Variants in CCDC191 observed in about 807,000 individuals in gnomAD.
The protein encoded by CCDC191 is coiled-coil domain containing 191, also known as coiled-coil domain-containing protein 191.
A neutral mutation model predicts 114.0 loss-of-function variants in CCDC191; 99 were observed. That is an observed-to-expected ratio of 0.87 (90% CI 0.74 to 1.03). The LOEUF is 1.03. CCDC191 is among the 50% of genes least tolerant of loss of function. CCDC191 has a pLI of 0.00. For missense variants in CCDC191, 973 were observed against 1,087.0 expected, an observed-to-expected ratio of 0.90 and a Z score of 1.47; for synonymous variants, 351 against 376.0, an observed-to-expected ratio of 0.93 and a Z score of 0.77.
chr3:114,047,845 T>C (rs1210479667), intron 2 of CCDC191, among the ~76,000 whole-genome samples: 2 of 151,960 alleles, frequency 1.3e-5, no homozygotes, highest in Non-Finnish European at 2.9e-5. Context: ...TGTGGTGGCA[T>C]GAGCCTGTAA....
intron 7 of CCDC191, among the ~76,000 whole-genome samples, chr3:114,026,135 T>C (rs1577441145): frequency 6.6e-6 from 1 of 152,162 alleles, no homozygotes; most frequent in South Asian, 2.1e-4. Context: ...CATTTAAAAA[T>C]AGGGACCTCT....
rs2076201661 is a variant in CCDC191 at position 114,018,744 on chromosome 3, T to C, written c.1097A>G (p.Tyr366Cys). ...CCGCTCCAACTTCTGGAATCTTGTG[T>C]AGTCTCTCCAGGCCCGCAGGACCTT... ...QLKVLRAWRD[Y>C]TRFQKLERET... Residue 366 changes from tyrosine (Y) to cysteine (C), a missense_variant, in exon 8 of 17, where the codon TAC becomes TGC. Coordinates refer to ENST00000295878, the MANE Select transcript of CCDC191 (RefSeq NM_020817.2). The C allele has an allele frequency of 2.5e-6, 4 of 1,613,762 alleles. No homozygotes were observed. The highest frequency in any genetic ancestry group is 3.4e-6 in the Non-Finnish European group (4 of 1,179,800).
At chr3:114,042,635 A>G in intron 4 of CCDC191, 68 bp downstream of exon 4, 1 of 1,284,522 alleles carries the variant, frequency 7.8e-7, no homozygotes, top group Non-Finnish European at 1.0e-6. Context: ...GTTATTCAAA[A>G]CAATTAAAAG....
intron 13 of CCDC191, among the ~76,000 whole-genome samples, chr3:113,986,521 TATATC>T (rs1170349734): frequency 2.0e-5 from 3 of 152,120 alleles, no homozygotes; most frequent in Non-Finnish European, 2.9e-5. Flanking sequence ...CATACCTAGA[TATATC>T]ATATTCGAAC....
chr3:113,991,271 A>C (rs2075557629), intron 13 of CCDC191, among the ~76,000 whole-genome samples: 3 of 137,880 alleles, frequency 2.2e-5, no homozygotes, highest in Admixed American at 1.4e-4. Flanking sequence ...CCCCCCCCCA[A>C]AAACCAATTT....
intron 13 of CCDC191, among the ~76,000 whole-genome samples, chr3:113,987,013 C>A (rs114735247): frequency 0.017 from 2,651 of 151,946 alleles, 56 homozygotes; most frequent in African/African-American, 0.059. Flanking sequence ...TTTGTTATGG[C>A]AGCCTGAACA....
intron 2 of CCDC191, 173 bp from the exon 3 acceptor site, chr3:114,046,905 G>C: frequency 1.0e-6 from 1 of 979,056 alleles, no homozygotes; most frequent in Non-Finnish European, 1.2e-6. Context: ...ATTCTGGGAG[G>C]TTTCATATAT....
chr3:114,003,822 A>G, intron 11 of CCDC191: 1 of 985,432 alleles, frequency 1.0e-6, no homozygotes, highest in South Asian at 4.7e-5. Flanking sequence ...CACAGGTAAA[A>G]AATCAAATTT....
chr3:114,047,853 T>C (rs1436914406), intron 2 of CCDC191, among the ~76,000 whole-genome samples: 2 of 152,038 alleles, frequency 1.3e-5, no homozygotes, highest in East Asian at 3.8e-4. Flanking sequence ...CATGAGCCTG[T>C]AATCTCAGCT....
At chr3:114,036,931 T>C in intron 4 of CCDC191, 145 bp from the exon 5 acceptor site, 2 of 461,194 alleles carry the variant, frequency 4.3e-6, no homozygotes, top group Non-Finnish European at 7.1e-6. Flanking sequence ...TGGCAACTGA[T>C]TGAGTATAGC....
chr3:113,978,198 T>G lies in CCDC191; in HGVS notation c.2594A>C (p.Glu865Ala). Residue 865 changes from glutamate (E) to alanine (A), a missense_variant, in exon 16 of 17, where the codon GAG becomes GCG. Glu to Ala is a moderately radical substitution (Grantham distance 107, BLOSUM62 -1). Transcript: ENST00000295878. ...DSQGKHEIAA[E>A]HSDRRILWIT... is the part of the protein sequence containing the mutation. ...ATCAAAACCTCACCTGTCACTGTGC[T>G]CCGCTGCAATCTCATGCTTGCCCTG... 6.2e-7 allele frequency: 1 copy of G among 1,614,044 alleles called. No individual in the cohort carries two copies. Among genetic ancestry groups the G allele is most frequent in the Non-Finnish European group, 8.5e-7 (1 of 1,179,938 alleles).
At chr3:114,034,876 A>G in intron 6 of CCDC191, 49 bp downstream of exon 6, 1 of 1,522,210 alleles carries the variant, frequency 6.6e-7, no homozygotes. Context: ...CATTTCTAAA[A>G]TGACTGCTTA....
At chr3:114,002,410 G>T in intron 12 of CCDC191, 46 bp downstream of exon 12, 1 of 1,374,324 alleles carries the variant, frequency 7.3e-7, no homozygotes, top group Non-Finnish European at 1.0e-6. Flanking sequence ...GAAAGACCTG[G>T]ACAAATCCTT....
intron 7 of CCDC191, among the ~76,000 whole-genome samples, chr3:114,026,401 C>T (rs931324467): frequency 1.3e-5 from 2 of 152,220 alleles, no homozygotes; most frequent in Admixed American, 6.5e-5. Flanking sequence ...ACACATTGCC[C>T]TTGGCAATAA....
At chr3:114,033,074 T>C (rs1225973355) in intron 6 of CCDC191, among the ~76,000 whole-genome samples, 2 of 150,774 alleles carry the variant, frequency 1.3e-5, no homozygotes, top group African/African-American at 2.5e-5. Context: ...AGTATAAAAG[T>C]CATCCATATT....
rs2075884738 is a variant in CCDC191, at chr3:114,003,082, G to A, written c.1979-544C>T. On this transcript the variant is annotated intron_variant, in intron 11 of 16. Transcript: ENST00000295878. ...TTTTAAGGCCTGGATATACAGATGG[G>A]CAGGAAATGGAATTGTACCAGGCAT... 4 of 985,278 alleles carry A rather than the reference G, an allele frequency of 4.1e-6. No individual in the cohort carries two copies. In the South Asian group the frequency reaches 1.9e-4, roughly 46 times the overall value. The allele number at this position is 985,278 out of a possible 1,614,324, so 61.0% of individuals were successfully genotyped here.
At chr3:113,972,469 T>A (rs1280135037) in intron 16 of CCDC191, among the ~76,000 whole-genome samples, 1 of 152,154 alleles carries the variant, frequency 6.6e-6, no homozygotes, top group Non-Finnish European at 1.5e-5. Flanking sequence ...TTTGAATTTG[T>A]TGAGAGTTGT....
At chr3:114,005,385 G>C (rs937975537) in intron 10 of CCDC191, 123 bp downstream of exon 10, 20 of 926,388 alleles carry the variant, frequency 2.2e-5, no homozygotes, top group Non-Finnish European at 3.1e-5. Context: ...TCTTTGCTTT[G>C]AGAGTGCAAA....
chr3:114,035,635 C>T (rs957745625), intron 5 of CCDC191, among the ~76,000 whole-genome samples: 1 of 152,238 alleles, frequency 6.6e-6, no homozygotes, highest in East Asian at 1.9e-4. Context: ...GTAAATATAG[C>T]AGTGATTCTG....
Sources: allele counts gnomAD v4.1 joint callset (sites outside exome capture counted in the v4.1 genomes callset), GRCh38; gene constraint gnomAD v4.1.1; transcripts MANE v1.5; gene names NCBI Gene and HGNC (gene_info 2026-07-23, HGNC 2026-07-21).